The following EBF1 variants were observed in gnomAD, a reference collection of about 807,000 sequenced individuals.
EBF1 encodes the protein transcription factor COE1.
In EBF1, 10 loss-of-function variants were observed where a neutral mutation model predicts 68.4. The ratio of observed to expected loss-of-function variants is 0.15; its 90% CI spans 0.09 to 0.25. The LOEUF is 0.25. Ranked by LOEUF, EBF1 falls within the 10% of genes least tolerant of loss-of-function variation. The pLI is 1.00. For missense variants in EBF1, 509 were observed against 794.4 expected (o/e 0.64, Z 4.32); for synonymous variants, 298 against 299.8 (o/e 0.99, Z 0.06).
chr5:158,781,094 A>C (rs1386928233), intron 9 of EBF1, among the ~76,000 whole-genome samples: 1 of 152,162 alleles, frequency 6.6e-6, no homozygotes, highest in Non-Finnish European at 1.5e-5. Flanking sequence ...AAGACTTGCA[A>C]AGTGTCTGAT....
chr5:159,022,725 A>G (rs1003543235), intron 6 of EBF1, among the ~76,000 whole-genome samples: 1 of 152,216 alleles, frequency 6.6e-6, no homozygotes, highest in African/African-American at 2.4e-5. Context: ...CGCTGGGATA[A>G]GAACACAAGC....
At chr5:158,793,586 G>A (rs1049230083) in intron 9 of EBF1, among the ~76,000 whole-genome samples, 2 of 151,918 alleles carry the variant, frequency 1.3e-5, no homozygotes, top group Admixed American at 6.6e-5. Context: ...AAAAAAATAT[G>A]GTATAGTTCA....
chr5:159,003,274 A>T (rs1583846071), intron 6 of EBF1, among the ~76,000 whole-genome samples: 1 of 152,208 alleles, frequency 6.6e-6, no homozygotes, highest in Admixed American at 6.5e-5. Flanking sequence ...ATCCCCATAC[A>T]TATGGCACCC....
intron 6 of EBF1, among the ~76,000 whole-genome samples, chr5:158,945,250 A>G (rs1814398536): frequency 6.6e-6 from 1 of 152,152 alleles, no homozygotes; most frequent in Non-Finnish European, 1.5e-5. Context: ...ATTTTTGTAT[A>G]AGATGTAAGG....
At chr5:158,961,175 G>C (rs1183907925) in intron 6 of EBF1, among the ~76,000 whole-genome samples, 4 of 152,166 alleles carry the variant, frequency 2.6e-5, no homozygotes, top group African/African-American at 9.7e-5. Flanking sequence ...GAGGTCCTTT[G>C]AGGACGCCAG....
chr5:158,881,715 T>A (rs925467290), intron 6 of EBF1, among the ~76,000 whole-genome samples: 1 of 152,166 alleles, frequency 6.6e-6, no homozygotes, highest in Non-Finnish European at 1.5e-5. Flanking sequence ...AACCAAGTGA[T>A]CAATGAAAAC....
intron 6 of EBF1, among the ~76,000 whole-genome samples, chr5:159,050,152 T>TTCTC (rs148912326): frequency 0.21 from 28,666 of 135,516 alleles, 3,453 homozygotes; most frequent in African/African-American, 0.28. Context: ...TCGTTTCTCT[T>TTCTC]TCTCTCTCTC....
At chr5:158,720,910 G>T (rs182366923) in intron 11 of EBF1, among the ~76,000 whole-genome samples, 42 of 152,298 alleles carry the variant, frequency 2.8e-4, no homozygotes, top group Admixed American at 2.7e-3. Context: ...TAGTATTTTA[G>T]TATATAAGAA....
intron 7 of EBF1, among the ~76,000 whole-genome samples, chr5:158,836,800 G>A (rs1329433511): frequency 2.0e-5 from 3 of 152,192 alleles, no homozygotes; most frequent in African/African-American, 4.8e-5. Flanking sequence ...TTAAACCTGA[G>A]ACCCAATAAG....
intron 10 of EBF1, among the ~76,000 whole-genome samples, chr5:158,736,868 G>GA (rs1482802772): frequency 6.6e-6 from 1 of 152,110 alleles, no homozygotes; most frequent in Admixed American, 6.5e-5. Flanking sequence ...TATATAAACC[G>GA]AAAAATCAGC....
rs1561665939 is a variant in EBF1 at position 158,970,378 on chromosome 5, C to A, written c.554+103018G>T. Among the ~76,000 whole-genome samples, 3 of 152,218 alleles carry A rather than the reference C, an allele frequency of 2.0e-5. No homozygotes were observed. In the East Asian group the frequency reaches 5.8e-4, roughly 29 times the overall value. Reference sequence around the variant, plus strand: ...TTAAAGCCGGAAATTGCCAAGGAGACAAAAGTCACCTGGGGAAATCATGTG... The same window carrying A: ...TTAAAGCCGGAAATTGCCAAGGAGAAAAAAGTCACCTGGGGAAATCATGTG... On this transcript the variant is annotated intron_variant, in intron 6 of 15. Transcript: ENST00000313708.
chr5:158,828,818 A>G (rs1365702575), intron 7 of EBF1, among the ~76,000 whole-genome samples: 1 of 152,206 alleles, frequency 6.6e-6, no homozygotes, highest in East Asian at 1.9e-4. Context: ...GGAAAAACAA[A>G]CTGGTAATCC....
At chr5:158,789,219 T>C (rs1463788479) in intron 9 of EBF1, among the ~76,000 whole-genome samples, 2 of 152,130 alleles carry the variant, frequency 1.3e-5, no homozygotes, top group African/African-American at 4.8e-5. Context: ...TAGAAAAAAA[T>C]AGGCAACTAG....
intron 8 of EBF1, among the ~76,000 whole-genome samples, chr5:158,822,855 T>C (rs1785160708): frequency 6.6e-6 from 1 of 152,236 alleles, no homozygotes; most frequent in African/African-American, 2.4e-5. Flanking sequence ...GATTGGCCTT[T>C]CCTTATTTTG....
intron 6 of EBF1, among the ~76,000 whole-genome samples, chr5:159,052,257 C>A (rs928822341): frequency 2.0e-5 from 3 of 150,576 alleles, no homozygotes; most frequent in Admixed American, 6.6e-5. Flanking sequence ...TATTGCTTAG[C>A]AGCCACAGAA....
In EBF1 at chr5:158,848,681, A is replaced by G. The variant is rs144871879; in HGVS notation, c.555-8571T>C. On this transcript the variant is annotated intron_variant, in intron 6 of 15. Transcript: ENST00000313708. ...CTACTTTTGTGTGTGTTTCATGCAGACAGAAAGCCAGGGGTTGAAAATGAA... is the reference window on the plus strand; with the variant it reads ...CTACTTTTGTGTGTGTTTCATGCAGGCAGAAAGCCAGGGGTTGAAAATGAA... 2.7e-3 allele frequency among the ~76,000 whole-genome samples: 415 copies of G among 152,354 alleles called. 1 individual carries two copies. Among genetic ancestry groups the G allele is most frequent in the African/African-American group, 9.7e-3 (403 of 41,578 alleles).
chr5:158,982,337 A>G (rs1274768087), intron 6 of EBF1, among the ~76,000 whole-genome samples: 1 of 152,234 alleles, frequency 6.6e-6, no homozygotes, highest in African/African-American at 2.4e-5. Flanking sequence ...CAGATTTACC[A>G]AGGCTTAAAA....
At chr5:159,073,346 T>C (rs1265371174) in intron 6 of EBF1, 50 bp downstream of exon 6, 19 of 1,594,170 alleles carry the variant, frequency 1.2e-5, no homozygotes, top group Non-Finnish European at 1.5e-5. Flanking sequence ...AGGGCAGGTG[T>C]TTCATTATAA....
intron 5 of EBF1, among the ~76,000 whole-genome samples, chr5:159,081,227 C>T (rs1184470299): frequency 6.6e-6 from 1 of 152,176 alleles, no homozygotes; most frequent in Non-Finnish European, 1.5e-5. Context: ...AAACAATCCT[C>T]CCACCCTGGC....
Sources: gnomAD v4.1 joint callset for allele counts (sites outside exome capture counted in the v4.1 genomes callset) on GRCh38, gnomAD v4.1.1 for gene constraint, MANE v1.5 for transcripts, NCBI Gene and HGNC (gene_info 2026-07-23, HGNC 2026-07-21) for gene names.